JADE2: variants seen among roughly 807,000 people sequenced by gnomAD.
The protein encoded by JADE2 is E3 ubiquitin-protein ligase Jade-2.
A neutral mutation model predicts 85.7 loss-of-function variants in JADE2; 13 were observed. The observed-to-expected ratio is 0.15, with a 90% CI of 0.10 to 0.24. The LOEUF is 0.24. JADE2 is among the 10% of genes least tolerant of loss of function. The pLI is 1.00. For synonymous variants in JADE2, 440 were observed against 456.1 expected, an observed-to-expected ratio of 0.96 and a Z score of 0.45; for missense variants, 846 against 1,115.9, an observed-to-expected ratio of 0.76 and a Z score of 3.45.
intron 3 of JADE2, among the ~76,000 whole-genome samples, chr5:134,543,648 G>T (rs765586707): frequency 6.6e-6 from 1 of 152,154 alleles, no homozygotes; most frequent in Non-Finnish European, 1.5e-5. Flanking sequence ...CTGCACTCCA[G>T]CCTGAGCTAC....
chr5:134,543,634 A>G (rs759690848), intron 3 of JADE2, among the ~76,000 whole-genome samples: 1 of 152,106 alleles, frequency 6.6e-6, no homozygotes, highest in Non-Finnish European at 1.5e-5. Flanking sequence ...CCGAGATTGC[A>G]CCACTGCACT....
At position 134,525,695 on chromosome 5, in the gene JADE2, A is replaced by G. The variant is rs1760755957; in HGVS notation, c.-317A>G. 1 of 1,250,812 alleles carries G rather than the reference A, an allele frequency of 8.0e-7. No homozygotes were observed. The highest frequency in any genetic ancestry group is 1.6e-5 in the African/African-American group (1 of 60,978). 77.5% of individuals were successfully genotyped at this position (1,250,812 alleles called of 1,614,324 possible). On this transcript the variant is annotated 5_prime_UTR_variant, in exon 1 of 12. It removes an upstream start codon present in the reference 5' UTR. Transcript: ENST00000681547. Reference sequence around the variant, plus strand: ...AGAAACATACACAGGGGGTTGGTGAATGGTGCCGACCGCGGCCATCGCAGT... The same window carrying G: ...AGAAACATACACAGGGGGTTGGTGAGTGGTGCCGACCGCGGCCATCGCAGT...
intron 9 of JADE2, among the ~76,000 whole-genome samples, chr5:134,568,526 A>G (rs1256699355): frequency 1.3e-5 from 2 of 152,184 alleles, no homozygotes. Context: ...AGAACACTCC[A>G]GAGTCAGGTG....
chr5:134,531,727 C>T (rs1761248147), intron 1 of JADE2, among the ~76,000 whole-genome samples: 1 of 151,894 alleles, frequency 6.6e-6, no homozygotes, highest in African/African-American at 2.4e-5. Context: ...AGATTACAGG[C>T]TTCCGCCACT....
intron 7 of JADE2, among the ~76,000 whole-genome samples, chr5:134,563,369 G>A (rs191057222): frequency 6.6e-6 from 1 of 152,086 alleles, no homozygotes; most frequent in Non-Finnish European, 1.5e-5. Context: ...TTGGCTAGTG[G>A]GCCTGCTGCT....
chr5:134,578,691 C>A lies in JADE2; in HGVS notation c.1879C>A (p.Pro627Thr). The A allele has an allele frequency of 6.2e-7, 1 of 1,613,882 alleles. No individual in the cohort carries two copies. The highest frequency in any genetic ancestry group is 8.5e-7 in the Non-Finnish European group (1 of 1,179,996). The change falls in exon 12 of 12, where the codon CCC (proline) becomes ACC (threonine). Residue 627 changes from proline (P) to threonine (T), a missense_variant. Physicochemically the swap from Pro to Thr is conservative, Grantham distance 38 (BLOSUM62 -1). Around this residue, in one of 9 missense-constraint regions of JADE2, gnomAD observed 300 missense variants for 300.7 expected, o/e 1.00. Coordinates refer to ENST00000681547, the MANE Select transcript of JADE2 (RefSeq NM_001388185.1). The surrounding 1 kb of genome is among the most constrained non-coding windows in gnomAD (Gnocchi z 4.4). ...GACACTGCTCAGCTTCATGCGGGAC[C>A]CCTCGCTGCGACCTGGTGACCCTGC... Reference protein sequence around the residue: ...EETLLSFMRDPSLRPGDPARK... With the variant: ...EETLLSFMRDTSLRPGDPARK...
chr5:134,526,241 T>C (rs918320540), intron 1 of JADE2: 1 of 985,116 alleles, frequency 1.0e-6, no homozygotes, highest in Admixed American at 6.2e-5. Context: ...AAGAGTACAG[T>C]GCGGGGAGGC....
intron 3 of JADE2, among the ~76,000 whole-genome samples, chr5:134,542,435 C>CTTT (rs10568722): frequency 9.6e-5 from 9 of 93,458 alleles, no homozygotes; most frequent in Admixed American, 2.4e-4. Flanking sequence ...GTACCTATAC[C>CTTT]TTTTTTTTTT....
At chr5:134,549,958 G>A (rs1413153940) in intron 3 of JADE2, among the ~76,000 whole-genome samples, 1 of 152,226 alleles carries the variant, frequency 6.6e-6, no homozygotes, top group African/African-American at 2.4e-5. Flanking sequence ...CCCAGCCCCA[G>A]CCCTACTGAG....
intron 3 of JADE2, among the ~76,000 whole-genome samples, 170 bp from the exon 4 acceptor site, chr5:134,551,882 A>C (rs892062867): frequency 5.9e-5 from 9 of 152,222 alleles, no homozygotes; most frequent in African/African-American, 2.2e-4. Context: ...ACATGTGCAG[A>C]GTTCAGAGCT....
At chr5:134,561,530 G>T (rs1333839666) in intron 6 of JADE2, among the ~76,000 whole-genome samples, 1 of 141,362 alleles carries the variant, frequency 7.1e-6, no homozygotes, top group South Asian at 2.2e-4. Flanking sequence ...CCTTGGTTTG[G>T]GGCCCAAGGC....
chr5:134,563,361 G>A (rs1361998548), intron 7 of JADE2, among the ~76,000 whole-genome samples: 1 of 152,006 alleles, frequency 6.6e-6, no homozygotes, highest in Admixed American at 6.6e-5. Context: ...ATGGGAAGTT[G>A]GCTAGTGGGC....
chr5:134,549,798 T>G (rs73293759), intron 3 of JADE2, among the ~76,000 whole-genome samples: 2,512 of 152,336 alleles, frequency 0.016, 63 homozygotes, highest in African/African-American at 0.057. Context: ...CTGTCCCAAG[T>G]GTGTGGTTCT....
intron 1 of JADE2, among the ~76,000 whole-genome samples, chr5:134,529,926 C>G (rs1761122499): frequency 6.6e-6 from 1 of 152,248 alleles, no homozygotes; most frequent in East Asian, 1.9e-4. Context: ...GCAGCGTCTT[C>G]AAGGGGAGCT....
intron 3 of JADE2, among the ~76,000 whole-genome samples, chr5:134,547,531 C>T (rs1284568728): frequency 6.6e-6 from 1 of 152,174 alleles, no homozygotes; most frequent in South Asian, 2.1e-4. Context: ...CCATTTTATT[C>T]TTTATTTAGT....
At chr5:134,545,948 G>A (rs1004851937) in intron 3 of JADE2, among the ~76,000 whole-genome samples, 1 of 152,088 alleles carries the variant, frequency 6.6e-6, no homozygotes. Flanking sequence ...AGGAGAGATT[G>A]TCCTGGCCAA....
At chr5:134,526,790 A>T in intron 1 of JADE2, 2 of 982,442 alleles carry the variant, frequency 2.0e-6, no homozygotes, top group Non-Finnish European at 2.4e-6. Flanking sequence ...CCTCGGCGCC[A>T]GGGGTGAGGA....
chr5:134,526,498 C>T (rs1315625160), intron 1 of JADE2: 2 of 985,184 alleles, frequency 2.0e-6, no homozygotes, highest in Non-Finnish European at 2.4e-6. Flanking sequence ...TCCTGTCTCC[C>T]CGAGTTTCAT....
At position 134,552,090 on chromosome 5, in the gene JADE2, G is replaced by C. The variant is rs12163993; in HGVS notation, c.192G>C (p.Pro64=). The C allele has an allele frequency of 3.7e-6, 6 of 1,613,908 alleles. No individual in the cohort carries two copies. The African/African-American group carries it at 8.0e-5, about 22-fold the overall frequency. Residue 64 remains proline (P), a synonymous_variant, in exon 4 of 12, where the codon CCG becomes CCC. Coordinates refer to ENST00000681547, the MANE Select transcript of JADE2 (RefSeq NM_001388185.1). The part of the protein sequence containing the change: ...RTDLITAMKI[P]DSYQLSPDDY... The stretch of plus-strand genomic sequence containing the variant: ...ACTTGATCACAGCCATGAAGATCCC[G>C]GACTCATACCAGCTCAGCCCGGATG...
Sources: gnomAD v4.1 joint callset for allele counts (sites outside exome capture counted in the v4.1 genomes callset) on GRCh38, gnomAD v4.1.1 for gene constraint, gnomAD v4.1.1 regional missense constraint, Gnocchi (gnomAD v3.1) non-coding constraint, MANE v1.5 for transcripts, NCBI Gene and HGNC (gene_info 2026-07-23, HGNC 2026-07-21) for gene names.